Variants in ZNF131 observed in about 807,000 individuals in gnomAD.
ZNF131 encodes the protein zinc finger protein 131.
ZNF131 carries 7 observed loss-of-function variants against 60.0 expected under a neutral mutation model. The observed-to-expected ratio is 0.12, with a 90% confidence interval of 0.07 to 0.22. The LOEUF (loss-of-function observed/expected upper bound fraction) is 0.22. Ranked by LOEUF, ZNF131 falls within the 10% of genes least tolerant of loss-of-function variation. The pLI is 1.00. For synonymous variants in ZNF131, 257 were observed against 253.2 expected (o/e 1.01, Z -0.14); for missense variants, 493 against 740.9 (o/e 0.67, Z 3.88).
intron 4 of ZNF131, among the ~76,000 whole-genome samples, chr5:43,156,664 A>G (rs1451168267): frequency 6.6e-6 from 1 of 152,182 alleles, no homozygotes; most frequent in Admixed American, 6.5e-5. Flanking sequence ...GGCTCCCTGC[A>G]TATTACTTTG....
chr5:43,138,456 C>T (rs951224421), intron 3 of ZNF131, among the ~76,000 whole-genome samples: 7 of 152,064 alleles, frequency 4.6e-5, no homozygotes, highest in African/African-American at 1.7e-4. Flanking sequence ...AGTTTGAGAC[C>T]AGCCTGACCA....
intron 6 of ZNF131, 75 bp downstream of exon 6, chr5:43,173,523 A>G: frequency 6.5e-7 from 1 of 1,533,692 alleles, no homozygotes; most frequent in Non-Finnish European, 8.9e-7. Flanking sequence ...AAAGGGAAAC[A>G]GAGTCTCAAG....
intron 5 of ZNF131, among the ~76,000 whole-genome samples, chr5:43,168,893 T>A (rs1750658913): frequency 6.6e-6 from 1 of 152,278 alleles, no homozygotes; most frequent in Non-Finnish European, 1.5e-5. Context: ...AGCTTTCTGA[T>A]GTAGATGGCT....
intron 5 of ZNF131, among the ~76,000 whole-genome samples, chr5:43,167,084 T>A (rs1382609559): frequency 1.3e-5 from 2 of 152,234 alleles, no homozygotes; most frequent in African/African-American, 2.4e-5. Flanking sequence ...AGAGAAAAGC[T>A]GGTTGGTGGA....
At chr5:43,166,457 T>C (rs1372817247) in intron 5 of ZNF131, among the ~76,000 whole-genome samples, 2 of 151,206 alleles carry the variant, frequency 1.3e-5, no homozygotes, top group East Asian at 3.9e-4. Flanking sequence ...GCCTCCTGGG[T>C]TCACGCCATT....
rs150537101 is a variant in ZNF131 at position 43,168,055 on chromosome 5, A to G, written c.1055-5263A>G. 1,136 of 415,874 alleles carry G rather than the reference A, an allele frequency of 2.7e-3. 6 individuals are homozygous for G. The highest frequency in any genetic ancestry group is 3.9e-3 in the Admixed American group (134 of 34,610). The allele number at this position is 415,874 out of a possible 1,614,324, so 25.8% of individuals were successfully genotyped here. ...GTGAGGGAGTTGAGCATGCTAGCTC[A>G]GGTTTCTCTTACTCTTCTTTTAAAG... On this transcript the variant is annotated intron_variant, in intron 5 of 6. Transcript: ENST00000682664.
chr5:43,122,381 G>A (rs1486889127), intron 2 of ZNF131, among the ~76,000 whole-genome samples: 1 of 151,924 alleles, frequency 6.6e-6, no homozygotes, highest in South Asian at 2.1e-4. Flanking sequence ...TGGTTGGTCA[G>A]TCATGCCTTC....
chr5:43,127,246 A>G (rs1399161583), intron 3 of ZNF131, among the ~76,000 whole-genome samples: 1 of 152,208 alleles, frequency 6.6e-6, no homozygotes, highest in East Asian at 1.9e-4. Context: ...GGCATTAGAG[A>G]CACCAGGGAA....
intron 4 of ZNF131, among the ~76,000 whole-genome samples, chr5:43,159,577 C>T (rs907007932): frequency 5.9e-5 from 9 of 151,846 alleles, no homozygotes; most frequent in Non-Finnish European, 1.3e-4. Context: ...AGCCTGTAAT[C>T]CCAGCTACTC....
intron 4 of ZNF131, among the ~76,000 whole-genome samples, chr5:43,154,737 G>A (rs768137208): frequency 6.6e-5 from 10 of 152,194 alleles, no homozygotes; most frequent in Non-Finnish European, 1.2e-4. Flanking sequence ...GGCTTGGTTA[G>A]CATCTTGATT....
At chr5:43,127,235 G>A (rs922704449) in intron 3 of ZNF131, among the ~76,000 whole-genome samples, 7 of 152,096 alleles carry the variant, frequency 4.6e-5, no homozygotes, top group Admixed American at 6.6e-5. Flanking sequence ...CACATTAGGT[G>A]GGCATTAGAG....
intron 5 of ZNF131, chr5:43,167,971 G>T: frequency 2.2e-6 from 1 of 454,212 alleles, no homozygotes; most frequent in South Asian, 1.6e-5. Flanking sequence ...GCCACATCTG[G>T]TGAGAGCCCT....
At chr5:43,150,148 T>TCTGAGC (rs1390423397) in intron 4 of ZNF131, among the ~76,000 whole-genome samples, 5 of 152,216 alleles carry the variant, frequency 3.3e-5, no homozygotes, top group Non-Finnish European at 7.3e-5. Context: ...GTTGAGGAAT[T>TCTGAGC]CTGAGCTTTA....
intron 4 of ZNF131, among the ~76,000 whole-genome samples, chr5:43,151,930 A>G (rs561677598): frequency 5.9e-5 from 9 of 152,230 alleles, no homozygotes; most frequent in African/African-American, 2.2e-4. Context: ...TCCCAGTTCA[A>G]TTAGAATGAT....
chr5:43,126,322 G>T (rs1744542748), intron 3 of ZNF131, among the ~76,000 whole-genome samples: 1 of 152,202 alleles, frequency 6.6e-6, no homozygotes, highest in African/African-American at 2.4e-5. Context: ...GTTAGGTTCA[G>T]ACTGCCTCTG....
At chr5:43,142,869 T>A (rs1382368535) in intron 4 of ZNF131, among the ~76,000 whole-genome samples, 1 of 151,946 alleles carries the variant, frequency 6.6e-6, no homozygotes, top group Non-Finnish European at 1.5e-5. Flanking sequence ...TTTTTGTATT[T>A]CTTTGTAGAG....
At chr5:43,159,758 CTGGCCTG>C (rs1749413418) in intron 4 of ZNF131, among the ~76,000 whole-genome samples, 1 of 149,368 alleles carries the variant, frequency 6.7e-6, no homozygotes, top group African/African-American at 2.4e-5. Flanking sequence ...CTATTTTCTT[CTGGCCTG>C]TGGCTTGCTT....
At chr5:43,144,963 C>T (rs1747390923) in intron 4 of ZNF131, among the ~76,000 whole-genome samples, 1 of 151,808 alleles carries the variant, frequency 6.6e-6, no homozygotes, top group African/African-American at 2.4e-5. Context: ...TTGACTTAGG[C>T]ACTTCTATTA....
chr5:43,164,730 A>G (rs538357440), intron 5 of ZNF131, among the ~76,000 whole-genome samples: 2 of 152,310 alleles, frequency 1.3e-5, no homozygotes, highest in South Asian at 2.1e-4. Context: ...ACAGCAGAAT[A>G]TAGGGTTAAA....
Sources: allele counts gnomAD v4.1 joint callset (sites outside exome capture counted in the v4.1 genomes callset), GRCh38; gene constraint gnomAD v4.1.1; transcripts MANE v1.5; gene names NCBI Gene and HGNC (gene_info 2026-07-23, HGNC 2026-07-21).